Variants in FSIP2 observed in about 807,000 individuals in gnomAD.
The protein encoded by FSIP2 is fibrous sheath interacting protein 2.
Under a neutral mutation model 510.5 loss-of-function variants are expected in FSIP2, and 367 were observed. The observed-to-expected ratio is 0.72, with a 90% confidence interval of 0.66 to 0.78. FSIP2 has a LOEUF of 0.78. FSIP2 is among the 30% of genes least tolerant of loss of function. The probability of loss-of-function intolerance (pLI) is 0.00; values close to 1 mark genes in which losing one functional copy is unlikely to be tolerated. For missense variants in FSIP2, 7,594 were observed against 7,901.7 expected, an observed-to-expected ratio of 0.96 and a Z score of 1.48; for synonymous variants, 2,601 against 2,732.2, an observed-to-expected ratio of 0.95 and a Z score of 1.50.
Position 185,807,367 on chromosome 2 carries a change from T to G in FSIP2, c.18061T>G (p.Phe6021Val). 6.2e-7 allele frequency: 1 copy of G among 1,609,354 alleles called. No individual in the cohort carries two copies. Among genetic ancestry groups the G allele is most frequent in the East Asian group, 2.2e-5 (1 of 44,788 alleles). The change falls in exon 17 of 23, where the codon TTC becomes GTC. Residue 6021 changes from phenylalanine (F) to valine (V), a missense_variant. Transcript: ENST00000424728. ...KFLENVISAL[F>V]SKIFSTISST... Reference sequence around the variant, plus strand: ...TTTGGAGAATGTGATTTCTGCTCTTTTCTCCAAAATTTTCTCAACAATATC... The same window carrying G: ...TTTGGAGAATGTGATTTCTGCTCTTGTCTCCAAAATTTTCTCAACAATATC...
At position 185,807,388 on chromosome 2, in the gene FSIP2, A is replaced by G. The variant is rs1693609680; in HGVS notation, c.18082A>G (p.Ile6028Val). 2 of 1,609,142 alleles carry G rather than the reference A, an allele frequency of 1.2e-6. No homozygotes were observed. The highest frequency in any genetic ancestry group is 8.5e-7 in the Non-Finnish European group (1 of 1,178,554). Reference protein sequence around the residue: ...SALFSKIFSTISSTKTKEPED... With the variant: ...SALFSKIFSTVSSTKTKEPED... ...TCTTTTCTCCAAAATTTTCTCAACA[A>G]TATCCAGCACAAAAACAAAAGAACC... Residue 6028 changes from isoleucine to valine, a missense_variant, in exon 17 of 23, where the codon ATA (isoleucine) becomes GTA (valine). By Grantham distance (29) the Ile-to-Val change is conservative (BLOSUM62 3). Transcript: ENST00000424728.
chr2:185,818,566 A>G (rs536664106), intron 19 of FSIP2, among the ~76,000 whole-genome samples: 12 of 151,956 alleles, frequency 7.9e-5, no homozygotes, highest in Non-Finnish European at 1.8e-4. Context: ...TTAAAGTAGA[A>G]GAAGGAAAGT....
intron 11 of FSIP2, among the ~76,000 whole-genome samples, 194 bp from the exon 12 acceptor site, chr2:185,762,989 A>G (rs892483228): frequency 4.6e-5 from 7 of 151,570 alleles, no homozygotes; most frequent in Admixed American, 2.0e-4. Context: ...GGAAATTTGT[A>G]GGCAGTAAAC....
intron 13 of FSIP2, among the ~76,000 whole-genome samples, chr2:185,778,927 C>G (rs1285517168): frequency 1.3e-5 from 2 of 151,948 alleles, no homozygotes; most frequent in African/African-American, 4.8e-5. Context: ...AGTGATTAGA[C>G]CTATCCAAAT....
At chr2:185,776,619 T>C (rs1055251810) in intron 13 of FSIP2, among the ~76,000 whole-genome samples, 2 of 152,214 alleles carry the variant, frequency 1.3e-5, no homozygotes, top group Non-Finnish European at 2.9e-5. Context: ...TTTAAATCTG[T>C]TTTCATTGAC....
At position 185,788,800 on chromosome 2, in the gene FSIP2, G is replaced by T; in HGVS notation, c.1664G>T (p.Ser555Ile). The change falls in exon 16 of 23, where the codon AGT (serine) becomes ATT (isoleucine). Residue 555 changes from serine (S) to isoleucine (I), a missense_variant. Ser to Ile is a moderately radical substitution (Grantham distance 142, BLOSUM62 -2). Transcript: ENST00000424728. The stretch of plus-strand genomic sequence containing the variant: ...GATGACTCCATCCTCTCTTCAGATA[G>T]TTCAAGTTTCTGTAGCACGTGCAGT... ...VSDDSILSSD[S>I]SSFCSTCSED... 6.5e-7 allele frequency: 1 copy of T among 1,531,386 alleles called. No homozygotes were observed. Among genetic ancestry groups the T allele is most frequent in the Middle Eastern group, 1.7e-4 (1 of 5,976 alleles). 94.9% of individuals were successfully genotyped at this position (1,531,386 alleles called of 1,614,324 possible).
Position 185,803,215 on chromosome 2 carries a change from AG to A in FSIP2, c.13912del (p.Val4638Ter). On this transcript the variant is annotated frameshift_variant, in exon 17 of 23. Transcript: ENST00000424728. LOFTEE classifies it high-confidence loss of function. Reference sequence around the variant, plus strand: ...TGGGGTTTTAAGAAAAATATTCCACAGGGTAGTAGGCATTGTACAAACAAAA... The same window carrying A: ...TGGGGTTTTAAGAAAAATATTCCACAGGTAGTAGGCATTGTACAAACAAAA... ...ISGVLRKIFHRVVGIVQTKSI... is the reference protein window; with the variant it reads ...ISGVLRKIFHXVVGIVQTKSI... The A allele has an allele frequency of 6.5e-7, 1 of 1,531,834 alleles. No homozygotes were observed. Among genetic ancestry groups the A allele is most frequent in the East Asian group, 2.5e-5 (1 of 40,808 alleles). 94.9% of individuals were successfully genotyped at this position (1,531,834 alleles called of 1,614,324 possible).
Position 185,745,549 on chromosome 2 carries a change from G to C in FSIP2, c.598G>C (p.Glu200Gln), listed in dbSNP as rs1207290194. 6.5e-7 allele frequency: 1 copy of C among 1,534,664 alleles called. No homozygotes were observed. The highest frequency in any genetic ancestry group is 2.0e-5 in the Admixed American group (1 of 50,836). ...GGGCACTGAATCTATTAAGGACCAG[G>C]AGCGGCTGATGAGGCATAGGTAAGA... ...KEGTESIKDQ[E>Q]RLMRHRYLDM... The change falls in exon 5 of 23, where the codon GAG (glutamate) becomes CAG (glutamine). Residue 200 changes from glutamate (E) to glutamine (Q), a missense_variant. Transcript: ENST00000424728.
At chr2:185,777,052 G>C (rs1336761157) in intron 13 of FSIP2, among the ~76,000 whole-genome samples, 1 of 152,074 alleles carries the variant, frequency 6.6e-6, no homozygotes, top group Non-Finnish European at 1.5e-5. Flanking sequence ...CCACATGTTG[G>C]CCAGGCATAT....
intron 4 of FSIP2, 72 bp from the exon 5 acceptor site, chr2:185,745,357 A>C (rs1184156230): frequency 1.3e-5 from 12 of 899,986 alleles, no homozygotes; most frequent in African/African-American, 3.5e-5. Context: ...AAAATATATA[A>C]ATTTAAATGG....
intron 20 of FSIP2, 26 bp from the exon 21 acceptor site, chr2:185,828,130 T>C: frequency 7.2e-7 from 1 of 1,379,654 alleles, no homozygotes; most frequent in Non-Finnish European, 1.0e-6. Context: ...GAGACTATTT[T>C]ACTTTTTTTT....
At position 185,790,652 on chromosome 2, in the gene FSIP2, T is replaced by C; in HGVS notation, c.3516T>C (p.Asp1172=). The part of the protein sequence containing the change: ...EISTVAQEIT[D]SVLNILHKAS... ...GTACAGTGGCTCAAGAAATAACAGA[T>C]TCTGTGTTAAACATACTTCATAAGG... The change falls in exon 16 of 23, where the codon GAT becomes GAC. Residue 1172 remains aspartate (D), a synonymous_variant. Transcript: ENST00000424728. 6.5e-7 allele frequency: 1 copy of C among 1,533,916 alleles called. No individual in the cohort carries two copies. The highest frequency in any genetic ancestry group is 8.7e-7 in the Non-Finnish European group (1 of 1,145,344).
intron 6 of FSIP2, 82 bp from the exon 7 acceptor site, chr2:185,747,231 A>G: frequency 2.6e-6 from 2 of 762,220 alleles, no homozygotes; most frequent in Non-Finnish European, 4.3e-6. Flanking sequence ...GACTTGTTTA[A>G]TATACTTTTT....
intron 8 of FSIP2, 25 bp downstream of exon 8, chr2:185,753,867 G>A: frequency 7.1e-7 from 1 of 1,404,098 alleles, no homozygotes. Flanking sequence ...ATTAAAAGAT[G>A]ATGTAGCTAA....
rs1693206811 is a variant in FSIP2, at chr2:185,794,034, T to C, written c.6898T>C (p.Tyr2300His). 2.6e-6 allele frequency: 4 copies of C among 1,533,860 alleles called. No homozygotes were observed. The highest frequency in any genetic ancestry group is 3.5e-6 in the Non-Finnish European group (4 of 1,145,468). ...ENCKQNDSIFYDSSQVESDVN... is the reference protein window; with the variant it reads ...ENCKQNDSIFHDSSQVESDVN... ...TTGTAAACAAAATGACAGCATCTTTTATGATTCAAGCCAAGTGGAATCAGA... is the reference window on the plus strand; with the variant it reads ...TTGTAAACAAAATGACAGCATCTTTCATGATTCAAGCCAAGTGGAATCAGA... The change falls in exon 16 of 23, where the codon TAT (tyrosine) becomes CAT (histidine). Residue 2300 changes from tyrosine (Y) to histidine (H), a missense_variant. Transcript: ENST00000424728.
chr2:185,747,424 G>C lies in FSIP2; in HGVS notation c.870+1G>C. On this transcript the variant is annotated splice_donor_variant, in intron 7 of 22. Transcript: ENST00000424728. LOFTEE classifies it high-confidence loss of function. ...AAACAGAGAAGAGAGTGACAGGAAG[G>C]TAGGGTGAGCTTTAACCTCTAACTT... 1 of 1,480,818 alleles carries C rather than the reference G, an allele frequency of 6.8e-7. No individual in the cohort carries two copies. Among genetic ancestry groups the C allele is most frequent in the Non-Finnish European group, 9.1e-7 (1 of 1,096,634 alleles). The allele number at this position is 1,480,818 out of a possible 1,614,324, so 91.7% of individuals were successfully genotyped here. A position where few individuals can be genotyped will look rare whatever the true frequency, so the allele number is the denominator to read the frequency against.
intron 19 of FSIP2, among the ~76,000 whole-genome samples, chr2:185,820,620 A>T (rs1269282037): frequency 6.6e-6 from 1 of 151,754 alleles, no homozygotes; most frequent in Non-Finnish European, 1.5e-5. Context: ...AAAAGTCTGA[A>T]TATATACAAA....
upstream of FSIP2, chr2:185,738,309 G>C: frequency 2.8e-6 from 1 of 362,254 alleles, no homozygotes; most frequent in East Asian, 7.0e-5. Flanking sequence ...GCAGAGAGGA[G>C]GCAGTGGGAG....
At chr2:185,747,525 A>G (rs1692058512) in intron 7 of FSIP2, 102 bp downstream of exon 7, 11 of 602,652 alleles carry the variant, frequency 1.8e-5, no homozygotes, top group South Asian at 6.4e-5. Context: ...TTGCCCAGTT[A>G]CTCCAAATGA....
Sources: allele counts gnomAD v4.1 joint callset (sites outside exome capture counted in the v4.1 genomes callset), GRCh38; gene constraint gnomAD v4.1.1; transcripts MANE v1.5; gene names NCBI Gene and HGNC (gene_info 2026-07-23, HGNC 2026-07-21).